Variants in RGS7 observed in about 807,000 individuals in gnomAD.
RGS7 encodes the protein regulator of G-protein signaling 7.
In RGS7, 27 loss-of-function variants were observed where a neutral mutation model predicts 81.1. The observed-to-expected ratio is 0.33, with a 90% confidence interval of 0.25 to 0.46. The LOEUF (loss-of-function observed/expected upper bound fraction) is 0.46. RGS7 is among the 20% of genes least tolerant of loss of function. The pLI is 1.00. For missense variants in RGS7, 396 were observed against 607.4 expected (o/e 0.65, Z 3.66); for synonymous variants, 208 against 207.7 (o/e 1.00, Z -0.01).
chr1:240,875,197 G>A (rs1665177659), intron 6 of RGS7, among the ~76,000 whole-genome samples: 2 of 152,034 alleles, frequency 1.3e-5, no homozygotes, highest in African/African-American at 4.8e-5. Flanking sequence ...TGCCCCCACT[G>A]CCCCCAGGCC....
chr1:240,778,708 ATT>A (rs1163618054), intron 18 of RGS7, among the ~76,000 whole-genome samples: 1 of 151,704 alleles, frequency 6.6e-6, no homozygotes, highest in African/African-American at 2.4e-5. Context: ...AATTTTTGTT[ATT>A]TTTAGTAGAG....
intron 2 of RGS7, among the ~76,000 whole-genome samples, chr1:241,340,795 G>C (rs1400692210): frequency 1.3e-5 from 2 of 152,142 alleles, no homozygotes; most frequent in African/African-American, 4.8e-5. Flanking sequence ...CAGAGAAGTA[G>C]AGGCTGAATT....
At chr1:241,311,813 T>C (rs2080552348) in intron 2 of RGS7, among the ~76,000 whole-genome samples, 2 of 152,254 alleles carry the variant, frequency 1.3e-5, no homozygotes, top group Non-Finnish European at 1.5e-5. Flanking sequence ...TATCATGATA[T>C]GTGTCCCCAA....
intron 2 of RGS7, among the ~76,000 whole-genome samples, chr1:241,339,943 T>C (rs1403410539): frequency 1.3e-5 from 2 of 152,204 alleles, no homozygotes; most frequent in East Asian, 1.9e-4. Context: ...TATCACAGTT[T>C]CATAAATTGA....
chr1:240,998,082 G>C (rs186202686), intron 3 of RGS7, among the ~76,000 whole-genome samples: 1 of 152,092 alleles, frequency 6.6e-6, no homozygotes, highest in Non-Finnish European at 1.5e-5. Context: ...AGAGGATTAC[G>C]GATTGACAGT....
At chr1:241,316,149 A>G (rs2080857049) in intron 2 of RGS7, among the ~76,000 whole-genome samples, 1 of 152,158 alleles carries the variant, frequency 6.6e-6, no homozygotes, top group South Asian at 2.1e-4. Context: ...GCTGTCCTCC[A>G]GTACAGTCCT....
At chr1:241,161,995 G>T (rs1184900931) in intron 2 of RGS7, among the ~76,000 whole-genome samples, 3 of 152,130 alleles carry the variant, frequency 2.0e-5, no homozygotes, top group African/African-American at 7.2e-5. Flanking sequence ...GGGATTACAG[G>T]CTTGAGCCAC....
At chr1:241,209,614 T>C (rs2147915188) in intron 2 of RGS7, among the ~76,000 whole-genome samples, 1 of 152,212 alleles carries the variant, frequency 6.6e-6, no homozygotes, top group East Asian at 1.9e-4. Flanking sequence ...GGCAGGAGGA[T>C]CACTTGAACC....
At chr1:241,161,718 G>T in intron 2 of RGS7, among the ~76,000 whole-genome samples, 1 of 136,304 alleles carries the variant, frequency 7.3e-6, no homozygotes, top group Non-Finnish European at 1.6e-5. Context: ...CTGTTTTATT[G>T]CTTTTTTTTT....
At chr1:240,939,657 G>C (rs1454878932) in intron 4 of RGS7, among the ~76,000 whole-genome samples, 1 of 152,148 alleles carries the variant, frequency 6.6e-6, no homozygotes, top group Non-Finnish European at 1.5e-5. Context: ...AGGGCTAGCT[G>C]GCCTATCTCT....
chr1:241,220,655 G>T (rs2074838217), intron 2 of RGS7, among the ~76,000 whole-genome samples: 1 of 151,994 alleles, frequency 6.6e-6, no homozygotes, highest in Non-Finnish European at 1.5e-5. Flanking sequence ...CTTGGGGCAG[G>T]TGGACTCTTC....
chr1:241,086,345 T>C (rs55930435), intron 3 of RGS7, among the ~76,000 whole-genome samples: 1 of 152,302 alleles, frequency 6.6e-6, no homozygotes, highest in African/African-American at 2.4e-5. Flanking sequence ...ATTGTCAAAG[T>C]CATACATATG....
chr1:240,842,199 AT>A lies in RGS7; in HGVS notation c.610-15028del, dbSNP rs568381066. 5.8e-4 allele frequency among the ~76,000 whole-genome samples: 46 copies of A among 78,706 alleles called. 2 individuals are homozygous for A. Among genetic ancestry groups the A allele is most frequent in the East Asian group, 1.9e-3 (5 of 2,592 alleles). 51.6% of individuals were successfully genotyped at this position (78,706 alleles called of 152,430 possible). A position where few individuals can be genotyped will look rare whatever the true frequency, so the allele number is the denominator to read the frequency against. ...TGATTTCAGATTATGTTTGTCAGGA[AT>A]TTTTTTTTTTTTTTTTGAGACAGAG... On this transcript the variant is annotated intron_variant, in intron 9 of 18. Coordinates refer to ENST00000440928, the MANE Select transcript of RGS7 (RefSeq NM_001364886.1).
At chr1:241,063,921 C>T (rs1364672658) in intron 3 of RGS7, among the ~76,000 whole-genome samples, 1 of 152,038 alleles carries the variant, frequency 6.6e-6, no homozygotes, top group African/African-American at 2.4e-5. Flanking sequence ...CGGTGGCTCA[C>T]GCCTGTAATC....
intron 2 of RGS7, among the ~76,000 whole-genome samples, chr1:241,333,597 T>C (rs2082085237): frequency 6.6e-6 from 1 of 152,152 alleles, no homozygotes; most frequent in Non-Finnish European, 1.5e-5. Context: ...CTGGAAACAC[T>C]ATGTAAAATC....
intron 18 of RGS7, among the ~76,000 whole-genome samples, chr1:240,780,211 CCGAGG>C (rs1487217414): frequency 6.6e-6 from 1 of 152,026 alleles, no homozygotes; most frequent in African/African-American, 2.4e-5. Flanking sequence ...CTTTGGGAGG[CCGAGG>C]CGGGTGGATC....
intron 2 of RGS7, among the ~76,000 whole-genome samples, chr1:241,235,682 TTCTCTCTCTCTTTCTC>T (rs1019689072): frequency 7.1e-5 from 2 of 28,210 alleles, no homozygotes; most frequent in Middle Eastern, 0.043. Flanking sequence ...CTCTCTTTCT[TTCTCTCTCTCTTTCTC>T]TCTTTCCTTC....
chr1:240,930,833 G>C (rs897747917), intron 5 of RGS7, 65 bp from the exon 6 acceptor site: 1 of 1,430,032 alleles, frequency 7.0e-7, no homozygotes. Context: ...TTTCTGGCCA[G>C]TGAATTACAT....
At chr1:240,892,442 T>C (rs1000277783) in intron 6 of RGS7, among the ~76,000 whole-genome samples, 2 of 152,182 alleles carry the variant, frequency 1.3e-5, no homozygotes, top group Non-Finnish European at 2.9e-5. Flanking sequence ...AAAAGCCCCG[T>C]AGGACAACCA....
Sources: allele counts gnomAD v4.1 joint callset (sites outside exome capture counted in the v4.1 genomes callset), GRCh38; gene constraint gnomAD v4.1.1; transcripts MANE v1.5; gene names NCBI Gene and HGNC (gene_info 2026-07-23, HGNC 2026-07-21).